Variants in CUX1 observed in about 807,000 individuals in gnomAD.
CUX1 encodes cut like homeobox 1, also known as protein CASP.
In CUX1, 31 loss-of-function variants were observed where a neutral mutation model predicts 158.8. The observed-to-expected ratio is 0.20, with a 90% CI of 0.15 to 0.26. The LOEUF (loss-of-function observed/expected upper bound fraction) is 0.26. CUX1 is among the 10% of genes least tolerant of loss of function. The pLI is 1.00. For missense variants in CUX1, 1,589 were observed against 2,014.6 expected, an observed-to-expected ratio of 0.79 and a Z score of 4.04; for synonymous variants, 879 against 862.1, an observed-to-expected ratio of 1.02 and a Z score of -0.34.
chr7:102,237,273 G>A (rs951270210), intron 22 of CUX1, among the ~76,000 whole-genome samples: 4 of 152,138 alleles, frequency 2.6e-5, no homozygotes, highest in Non-Finnish European at 4.4e-5. Context: ...TGCCCAGGCT[G>A]GAGGGCAGTG....
At chr7:101,910,481 G>A (rs1304254687) in intron 1 of CUX1, among the ~76,000 whole-genome samples, 1 of 152,092 alleles carries the variant, frequency 6.6e-6, no homozygotes, top group Admixed American at 6.5e-5. Context: ...TCCAAGCCAG[G>A]CATGGTGGCT....
chr7:101,856,280 G>A (rs1045200582), intron 1 of CUX1, among the ~76,000 whole-genome samples: 2 of 150,704 alleles, frequency 1.3e-5, no homozygotes, highest in Non-Finnish European at 2.9e-5. Context: ...AGCCATCAAC[G>A]CAGGGAGCCG....
Position 102,202,174 on chromosome 7 carries a change from C to A in CUX1, c.2877C>A (p.Asn959Lys), listed in dbSNP as rs1052682523. 2 of 1,609,806 alleles carry A rather than the reference C, an allele frequency of 1.2e-6. No homozygotes were observed. The highest frequency in any genetic ancestry group is 2.7e-5 in the African/African-American group (2 of 74,852). The change falls in exon 18 of 24, where the codon AAC becomes AAA. Residue 959 changes from asparagine (N) to lysine (K), a missense_variant. This residue lies in a region of CUX1 where 29 missense variants were observed against 66.6 expected (regional missense o/e 0.44). Transcript: ENST00000292535. ...AGGTTAAGGAAAAGCTGGCCAAGAA[C>A]GGCATCTGCCAGAGAATCTTCGGGG... is the stretch of plus-strand genomic sequence containing the variant. ...TRQVKEKLAK[N>K]GICQRIFGEK...
At chr7:102,234,290 G>T in intron 22 of CUX1, 50 bp downstream of exon 22, 1 of 1,424,554 alleles carries the variant, frequency 7.0e-7, no homozygotes, top group Non-Finnish European at 9.2e-7. Flanking sequence ...TTCATAGACA[G>T]GCTGTTTCTT....
chr7:102,183,763 T>C (rs1330188074), intron 11 of CUX1, among the ~76,000 whole-genome samples: 1 of 152,218 alleles, frequency 6.6e-6, no homozygotes, highest in African/African-American at 2.4e-5. Flanking sequence ...CCCATTTATC[T>C]GCACTGCAGA....
At chr7:102,174,478 A>C (rs983871874) in intron 10 of CUX1, among the ~76,000 whole-genome samples, 1 of 151,974 alleles carries the variant, frequency 6.6e-6, no homozygotes, top group Non-Finnish European at 1.5e-5. Context: ...GCTTTTGCCC[A>C]TGTCTCTCCC....
Position 102,239,411 on chromosome 7 carries a change from C to G in CUX1, c.3714C>G (p.Pro1238=). 6.2e-7 allele frequency: 1 copy of G among 1,613,804 alleles called. No individual in the cohort carries two copies. Residue 1238 remains proline (P), a synonymous_variant, in exon 23 of 24, where the codon CCC becomes CCG. Coordinates refer to ENST00000292535, the MANE Select transcript of CUX1 (RefSeq NM_181552.4). ...VGTEYSQGAS[P]QPQHQLKKPR... is the part of the protein sequence containing the mutation. Reference sequence around the variant, plus strand: ...CCGAGTACAGCCAGGGCGCCAGCCCCCAGCCCCAGCACCAGCTGAAGAAAC... The same window carrying G: ...CCGAGTACAGCCAGGGCGCCAGCCCGCAGCCCCAGCACCAGCTGAAGAAAC...
At position 102,205,046 on chromosome 7, in the gene CUX1, A is replaced by G; in HGVS notation, c.3074-68A>G. On this transcript the variant is annotated intron_variant, in intron 19 of 23. Transcript: ENST00000292535. ...GGGAAGCCTCCCCGGGCCTTGCCAC[A>G]TTCAGTTAGGAAGCTTTAAGCCCTG... 3 of 1,158,136 alleles carry G rather than the reference A, an allele frequency of 2.6e-6. No homozygotes were observed. The South Asian group carries it at 3.8e-5, about 15-fold the overall frequency. The allele number at this position is 1,158,136 out of a possible 1,614,324, so 71.7% of individuals were successfully genotyped here. A position where few individuals can be genotyped will look rare whatever the true frequency, so the allele number is the denominator to read the frequency against.
intron 8 of CUX1, among the ~76,000 whole-genome samples, chr7:102,156,333 C>T (rs1316161544): frequency 6.6e-6 from 1 of 152,132 alleles, no homozygotes; most frequent in Non-Finnish European, 1.5e-5. Context: ...GGCCCTGGCT[C>T]CTGGCGAGGG....
At chr7:102,273,352 TC>T in intron 14 of CUX1, 1 of 1,610,288 alleles carries the variant, frequency 6.2e-7, no homozygotes, top group South Asian at 1.1e-5. Flanking sequence ...GGCCATGTCT[TC>T]CTTTGGCCAC....
intron 2 of CUX1, among the ~76,000 whole-genome samples, chr7:101,970,260 C>G (rs1409989666): frequency 6.6e-6 from 1 of 152,142 alleles, no homozygotes; most frequent in African/African-American, 2.4e-5. Flanking sequence ...GTAGGAAATT[C>G]ACAACAGACC....
At chr7:102,007,502 A>G (rs767504111) in intron 2 of CUX1, among the ~76,000 whole-genome samples, 4 of 150,862 alleles carry the variant, frequency 2.7e-5, no homozygotes, top group Non-Finnish European at 4.4e-5. Flanking sequence ...AGCTCCGGGT[A>G]TTTCCCACGT....
At chr7:102,203,796 C>T (rs2132058211) in intron 18 of CUX1, among the ~76,000 whole-genome samples, 2 of 152,206 alleles carry the variant, frequency 1.3e-5, no homozygotes, top group African/African-American at 2.4e-5. Context: ...GGTGTGTACA[C>T]GCAACTCGGC....
chr7:102,115,979 C>T (rs1440543019), intron 8 of CUX1, among the ~76,000 whole-genome samples: 1 of 152,190 alleles, frequency 6.6e-6, no homozygotes, highest in East Asian at 1.9e-4. Flanking sequence ...TTTTCCTGTT[C>T]TGGAAGGCTC....
chr7:101,948,390 C>T (rs1300544684), intron 2 of CUX1, among the ~76,000 whole-genome samples: 2 of 152,116 alleles, frequency 1.3e-5, no homozygotes, highest in African/African-American at 4.8e-5. Context: ...CCCTCTGTGC[C>T]CTAGATCCAC....
In CUX1 at chr7:102,257,137, A is replaced by G. The variant is rs1329065923; in HGVS notation, c.*8095A>G. 1.0e-6 allele frequency: 1 copy of G among 985,146 alleles called. No homozygotes were observed. The highest frequency in any genetic ancestry group is 1.7e-5 in the African/African-American group (1 of 57,174). The allele number at this position is 985,146 out of a possible 1,614,324, so 61.0% of individuals were successfully genotyped here. ...GATCCCATGGGCCCAGCAGAAGGAAACTTACCCCAGGCCAAGGCAAGGGCC... is the reference window on the plus strand; with the variant it reads ...GATCCCATGGGCCCAGCAGAAGGAAGCTTACCCCAGGCCAAGGCAAGGGCC... On this transcript the variant is annotated 3_prime_UTR_variant, in exon 24 of 24. Transcript: ENST00000292535.
At chr7:101,822,031 T>G (rs1792700354) in intron 1 of CUX1, among the ~76,000 whole-genome samples, 3 of 151,878 alleles carry the variant, frequency 2.0e-5, no homozygotes, top group Non-Finnish European at 4.4e-5. Context: ...ATTTTTTCTA[T>G]TTTTAGTTGA....
At chr7:102,080,546 C>G (rs1309224711) in intron 4 of CUX1, among the ~76,000 whole-genome samples, 1 of 152,162 alleles carries the variant, frequency 6.6e-6, no homozygotes, top group Non-Finnish European at 1.5e-5. Flanking sequence ...AGGGGACAGC[C>G]CCCATCGCCC....
chr7:101,956,050 C>CGG (rs1199175615), intron 2 of CUX1, among the ~76,000 whole-genome samples: 4 of 146,824 alleles, frequency 2.7e-5, no homozygotes, highest in South Asian at 4.3e-4. Flanking sequence ...GGTGAGGTGG[C>CGG]ACATGCCTGT....
Sources: gnomAD v4.1 joint callset for allele counts (sites outside exome capture counted in the v4.1 genomes callset) on GRCh38, gnomAD v4.1.1 for gene constraint, gnomAD v4.1.1 regional missense constraint, MANE v1.5 for transcripts, NCBI Gene and HGNC (gene_info 2026-07-23, HGNC 2026-07-21) for gene names.